GULP1: variants seen among roughly 807,000 people sequenced by gnomAD.
The protein encoded by GULP1 is PTB domain-containing engulfment adapter protein 1.
GULP1 carries 19 observed loss-of-function variants against 40.9 expected under a neutral mutation model. The observed-to-expected ratio is 0.46, with a 90% confidence interval of 0.32 to 0.68. The LOEUF is 0.68. GULP1 is among the 30% of genes least tolerant of loss of function. The probability of loss-of-function intolerance (pLI) is 0.03; values close to 1 mark genes in which losing one functional copy is unlikely to be tolerated. For missense variants in GULP1, 312 were observed against 362.2 expected, an observed-to-expected ratio of 0.86 and a Z score of 1.12; for synonymous variants, 119 against 117.6, an observed-to-expected ratio of 1.01 and a Z score of -0.08.
intron 7 of GULP1, among the ~76,000 whole-genome samples, chr2:188,566,794 C>CAAAAAAAAAAAAAA (rs11350294): frequency 3.7e-5 from 1 of 26,914 alleles, no homozygotes; most frequent in Non-Finnish European, 6.4e-5. Context: ...GACTCCATCT[C>CAAAAAAAAAAAAAA]AAAAAAAAAA....
intron 2 of GULP1, among the ~76,000 whole-genome samples, chr2:188,451,583 G>C (rs566100365): frequency 8.4e-4 from 128 of 152,224 alleles, no homozygotes; most frequent in African/African-American, 3.0e-3. Context: ...TTTATGGATA[G>C]TCTCATAATT....
At chr2:188,498,710 A>C (rs1053371502) in intron 4 of GULP1, among the ~76,000 whole-genome samples, 15 of 151,818 alleles carry the variant, frequency 9.9e-5, no homozygotes, top group African/African-American at 3.6e-4. Context: ...TGTAGTTTCA[A>C]ATAGCTAGAA....
chr2:188,403,824 A>C (rs1317409905), intron 2 of GULP1, among the ~76,000 whole-genome samples: 1 of 152,194 alleles, frequency 6.6e-6, no homozygotes, highest in Non-Finnish European at 1.5e-5. Context: ...GCAGAGGAGC[A>C]ATCAAGTATT....
At chr2:188,537,691 G>T (rs7582643) in intron 6 of GULP1, among the ~76,000 whole-genome samples, 131,824 of 152,042 alleles carry the variant, frequency 0.87, 59,148 homozygotes, top group South Asian at 0.99. Context: ...GAATTATGCT[G>T]GTTTTGTCGA....
chr2:188,482,574 A>G (rs997224565), intron 3 of GULP1, among the ~76,000 whole-genome samples: 1 of 151,838 alleles, frequency 6.6e-6, no homozygotes, highest in Admixed American at 6.6e-5. Context: ...AAAAAAAGCC[A>G]ATCTGTTTCA....
intron 2 of GULP1, among the ~76,000 whole-genome samples, chr2:188,414,540 T>G (rs2054334155): frequency 6.6e-6 from 1 of 152,098 alleles, no homozygotes. Flanking sequence ...TTAGCAAGAA[T>G]TGAGTAAAGG....
chr2:188,296,693 G>A (rs1475659754), intron 1 of GULP1, among the ~76,000 whole-genome samples: 1 of 151,928 alleles, frequency 6.6e-6, no homozygotes, highest in African/African-American at 2.4e-5. Flanking sequence ...GATTAATATG[G>A]CTTTTTAAAG....
intron 2 of GULP1, among the ~76,000 whole-genome samples, chr2:188,393,969 T>C (rs2050873361): frequency 6.6e-6 from 1 of 152,318 alleles, no homozygotes; most frequent in East Asian, 1.9e-4. Context: ...TTTTTAAACA[T>C]TGGCTTTAGA....
chr2:188,542,864 AC>A (rs1254196941), intron 7 of GULP1, among the ~76,000 whole-genome samples: 1 of 152,156 alleles, frequency 6.6e-6, no homozygotes, highest in Non-Finnish European at 1.5e-5. Flanking sequence ...ATAACCTTTT[AC>A]CACCTACATA....
At chr2:188,406,256 A>G (rs1200963557) in intron 2 of GULP1, among the ~76,000 whole-genome samples, 1 of 152,210 alleles carries the variant, frequency 6.6e-6, no homozygotes, top group Non-Finnish European at 1.5e-5. Context: ...GACTATATGC[A>G]GAATACTATA....
intron 4 of GULP1, among the ~76,000 whole-genome samples, chr2:188,502,482 A>G (rs1304932907): frequency 6.6e-6 from 1 of 151,814 alleles, no homozygotes; most frequent in East Asian, 1.9e-4. Flanking sequence ...AGTAATACCC[A>G]CTTCTGGATA....
chr2:188,517,217 G>A (rs973112150), intron 4 of GULP1, among the ~76,000 whole-genome samples: 2 of 152,000 alleles, frequency 1.3e-5, no homozygotes, highest in African/African-American at 4.8e-5. Flanking sequence ...ATTAACAAAT[G>A]TATTACCTCT....
chr2:188,589,481 A>G (rs1576328616), intron 11 of GULP1: 1 of 281,436 alleles, frequency 3.6e-6, no homozygotes, highest in Non-Finnish European at 6.6e-6. Context: ...GGTAGTATTT[A>G]TTCTCAAGGG....
At chr2:188,466,984 A>G (rs898983200) in intron 2 of GULP1, among the ~76,000 whole-genome samples, 1 of 152,166 alleles carries the variant, frequency 6.6e-6, no homozygotes, top group Non-Finnish European at 1.5e-5. Context: ...AAGAAAAAAA[A>G]AAGTAGCAGC....
intron 2 of GULP1, among the ~76,000 whole-genome samples, chr2:188,475,933 T>C (rs781190326): frequency 7.2e-5 from 11 of 152,106 alleles, no homozygotes; most frequent in Non-Finnish European, 1.5e-5. Flanking sequence ...CTTGGTCTAT[T>C]GGTATAATAT....
At chr2:188,565,287 G>C (rs1199903833) in intron 7 of GULP1, among the ~76,000 whole-genome samples, 1 of 151,834 alleles carries the variant, frequency 6.6e-6, no homozygotes, top group East Asian at 1.9e-4. Flanking sequence ...CCCAATACGT[G>C]TATCTGAAAA....
chr2:188,386,107 A>G (rs2049706099), intron 2 of GULP1, among the ~76,000 whole-genome samples: 1 of 152,186 alleles, frequency 6.6e-6, no homozygotes, highest in Admixed American at 6.5e-5. Flanking sequence ...CGACATACCC[A>G]AGACTGGGCA....
At chr2:188,296,810 A>G (rs1314379875) in intron 1 of GULP1, among the ~76,000 whole-genome samples, 2 of 152,028 alleles carry the variant, frequency 1.3e-5, no homozygotes, top group Non-Finnish European at 2.9e-5. Flanking sequence ...TATTAACATT[A>G]TATAAATGTA....
At chr2:188,314,940 G>C (rs767312269) in intron 1 of GULP1, among the ~76,000 whole-genome samples, 15 of 152,114 alleles carry the variant, frequency 9.9e-5, no homozygotes, top group Admixed American at 2.6e-4. Context: ...CAGATCTGCT[G>C]TCTTGGTATA....
Sources: gnomAD v4.1 joint callset for allele counts (sites outside exome capture counted in the v4.1 genomes callset) on GRCh38, gnomAD v4.1.1 for gene constraint, MANE v1.5 for transcripts, NCBI Gene and HGNC (gene_info 2026-07-23, HGNC 2026-07-21) for gene names.